FBN1: variants seen among roughly 807,000 people sequenced by gnomAD.
FBN1 encodes the protein fibrillin 1, also known as fibrillin-1.
Under a neutral mutation model 365.1 loss-of-function variants are expected in FBN1, and 29 were observed. That is an observed-to-expected ratio of 0.08 (90% CI 0.06 to 0.11). The LOEUF (loss-of-function observed/expected upper bound fraction) is 0.11, where lower values mean the gene tolerates loss of function less well. Among genes scored for constraint, FBN1 ranks in the 10% least tolerant of loss-of-function variants. The probability of loss-of-function intolerance (pLI) is 1.00; values close to 1 mark genes in which losing one functional copy is unlikely to be tolerated. For missense variants in FBN1, 2,476 were observed against 3,703.2 expected (o/e 0.67, Z 8.60); for synonymous variants, 1,210 against 1,270.5 (o/e 0.95, Z 1.01).
At chr15:48,604,071 G>T (rs2044587720) in intron 4 of FBN1, among the ~76,000 whole-genome samples, 1 of 152,176 alleles carries the variant, frequency 6.6e-6, no homozygotes, top group South Asian at 2.1e-4. Flanking sequence ...ATTTTCTTTA[G>T]ATTACAGCCC....
chr15:48,584,991 C>G (rs1441603304), intron 6 of FBN1, among the ~76,000 whole-genome samples: 3 of 152,184 alleles, frequency 2.0e-5, no homozygotes, highest in Admixed American at 2.0e-4. Context: ...TGCCTTTTAA[C>G]GTTCACGAGT....
intron 4 of FBN1, among the ~76,000 whole-genome samples, chr15:48,603,163 T>C (rs117125718): frequency 0.032 from 4,911 of 152,348 alleles, 116 homozygotes; most frequent in Non-Finnish European, 0.044. Context: ...CCCTGATATA[T>C]ATTTTTTACC....
intron 60 of FBN1, 110 bp downstream of exon 60, chr15:48,425,259 C>A: frequency 6.8e-7 from 1 of 1,473,458 alleles, no homozygotes. Flanking sequence ...AGGGAAGCAC[C>A]TCCTGCCTGT....
intron 37 of FBN1, 120 bp from the exon 38 acceptor site, chr15:48,468,222 A>T: frequency 7.1e-7 from 1 of 1,400,002 alleles, no homozygotes; most frequent in Non-Finnish European, 1.0e-6. Context: ...GAAACTAAAA[A>T]GTGCCCATGA....
At chr15:48,592,421 G>A (rs1474437932) in intron 6 of FBN1, among the ~76,000 whole-genome samples, 1 of 152,134 alleles carries the variant, frequency 6.6e-6, no homozygotes, top group East Asian at 1.9e-4. Flanking sequence ...AAGAGAAAGG[G>A]ATTCCACACA....
At chr15:48,628,653 A>T (rs1326170218) in intron 2 of FBN1, among the ~76,000 whole-genome samples, 2 of 152,220 alleles carry the variant, frequency 1.3e-5, no homozygotes, top group Non-Finnish European at 2.9e-5. Flanking sequence ...ACAAAGTCGC[A>T]GATAAGAAAA....
intron 6 of FBN1, among the ~76,000 whole-genome samples, chr15:48,567,757 A>C (rs563871076): frequency 6.6e-6 from 1 of 152,252 alleles, no homozygotes; most frequent in East Asian, 1.9e-4. Context: ...GACGAAATCC[A>C]ATGTCTATTC....
chr15:48,513,998 T>C (rs1363720892), intron 12 of FBN1, among the ~76,000 whole-genome samples: 1 of 152,214 alleles, frequency 6.6e-6, no homozygotes, highest in African/African-American at 2.4e-5. Context: ...GGCTTCTGGA[T>C]AGGATTCCGA....
In FBN1 at chr15:48,410,155, T is replaced by C. The variant is rs1422541473; in HGVS notation, c.*835A>G. Reference sequence around the variant, plus strand: ...TTGACAGGAATGACCGAGGGTAATCTTGGCATATTGCACATGCTGTGATGA... The same window carrying C: ...TTGACAGGAATGACCGAGGGTAATCCTGGCATATTGCACATGCTGTGATGA... On this transcript the variant is annotated 3_prime_UTR_variant, in exon 66 of 66. Coordinates refer to ENST00000316623, the MANE Select transcript of FBN1 (RefSeq NM_000138.5). 6.5e-6 allele frequency: 1 copy of C among 152,686 alleles called. No individual in the cohort carries two copies. The highest frequency in any genetic ancestry group is 1.5e-5 in the Non-Finnish European group (1 of 68,052). 9.5% of individuals were successfully genotyped at this position (152,686 alleles called of 1,614,324 possible). A position where few individuals can be genotyped will look rare whatever the true frequency, so the allele number is the denominator to read the frequency against.
intron 62 of FBN1, among the ~76,000 whole-genome samples, chr15:48,421,280 T>G (rs1253049208): frequency 6.6e-6 from 1 of 152,212 alleles, no homozygotes; most frequent in African/African-American, 2.4e-5. Context: ...AAATCAAGTA[T>G]ATTTTTCTTG....
At chr15:48,645,275 G>C in intron 1 of FBN1, among the ~76,000 whole-genome samples, 1 of 152,208 alleles carries the variant, frequency 6.6e-6, no homozygotes, top group Admixed American at 6.5e-5. Flanking sequence ...TGCGCGCTCT[G>C]AACGCCCCAC....
At chr15:48,540,615 G>A (rs2044051143) in intron 6 of FBN1, among the ~76,000 whole-genome samples, 1 of 151,774 alleles carries the variant, frequency 6.6e-6, no homozygotes, top group Non-Finnish European at 1.5e-5. Context: ...ATCCTTTTCA[G>A]GATAAAAACA....
intron 10 of FBN1, among the ~76,000 whole-genome samples, chr15:48,517,441 C>T (rs527442835): frequency 1.3e-5 from 2 of 152,214 alleles, no homozygotes; most frequent in South Asian, 4.1e-4. Context: ...GGGTGTGGGT[C>T]GGGTATGAAT....
At chr15:48,540,268 CAA>C (rs1259324772) in intron 6 of FBN1, among the ~76,000 whole-genome samples, 1 of 152,036 alleles carries the variant, frequency 6.6e-6, no homozygotes, top group Non-Finnish European at 1.5e-5. Flanking sequence ...AGCATATAAA[CAA>C]ATGTAATTAC....
In FBN1 at chr15:48,480,419, G is replaced by C. The variant is rs565551046; in HGVS notation, c.3964+1236C>G. Among the ~76,000 whole-genome samples, 3 of 152,214 alleles carry C rather than the reference G, an allele frequency of 2.0e-5. No individual in the cohort carries two copies. In the South Asian group the frequency reaches 6.2e-4, roughly 32 times the overall value. ...AAGCTAGGCACCATTTGTACCGAGA[G>C]GCCGTATAGGAGTTGAGAGTTTAAA... On this transcript the variant is annotated intron_variant, in intron 32 of 65. Transcript: ENST00000316623.
chr15:48,512,034 T>C (rs532217633), intron 13 of FBN1, among the ~76,000 whole-genome samples: 2 of 152,334 alleles, frequency 1.3e-5, no homozygotes, highest in South Asian at 4.1e-4. Context: ...GTTCAACCTA[T>C]CCATATTTAT....
intron 63 of FBN1, among the ~76,000 whole-genome samples, chr15:48,418,692 G>C (rs899747556): frequency 6.6e-5 from 10 of 152,094 alleles, no homozygotes; most frequent in Admixed American, 5.2e-4. Flanking sequence ...AGATTGGTGA[G>C]GGTTTTGTTT....
intron 4 of FBN1, among the ~76,000 whole-genome samples, chr15:48,603,447 T>C (rs955646715): frequency 6.6e-6 from 1 of 152,228 alleles, no homozygotes; most frequent in Non-Finnish European, 1.5e-5. Context: ...GCTCAGGATT[T>C]CTGTGGGGAA....
chr15:48,601,133 C>T (rs541964759), intron 4 of FBN1, among the ~76,000 whole-genome samples: 33 of 152,246 alleles, frequency 2.2e-4, no homozygotes, highest in South Asian at 1.0e-3. Context: ...GTGTTCATTT[C>T]GGGGCCCAGG....
Sources: gnomAD v4.1 joint callset for allele counts (sites outside exome capture counted in the v4.1 genomes callset) on GRCh38, gnomAD v4.1.1 for gene constraint, MANE v1.5 for transcripts, NCBI Gene and HGNC (gene_info 2026-07-23, HGNC 2026-07-21) for gene names.